WBP4: variants seen among roughly 807,000 people sequenced by gnomAD.
The protein encoded by WBP4 is WW domain-binding protein 4.
WBP4 carries 37 observed loss-of-function variants against 55.4 expected under a neutral mutation model. The observed-to-expected ratio is 0.67, with a 90% confidence interval of 0.51 to 0.88. The LOEUF (loss-of-function observed/expected upper bound fraction) is 0.88. Among genes scored for constraint, WBP4 ranks in the 40% least tolerant of loss-of-function variants. The pLI, the probability that WBP4 is intolerant of heterozygous loss-of-function variation, is 0.00. For synonymous variants in WBP4, 142 were observed against 140.2 expected, an observed-to-expected ratio of 1.01 and a Z score of -0.09; for missense variants, 398 against 420.8, an observed-to-expected ratio of 0.95 and a Z score of 0.47.
Position 41,061,528 on chromosome 13 carries a change from C to G in WBP4, c.-146C>G, listed in dbSNP as rs534868588. The G allele has an allele frequency of 1.3e-5, 17 of 1,302,194 alleles. No homozygotes were observed. Among genetic ancestry groups the G allele is most frequent in the Non-Finnish European group, 1.1e-6 (1 of 925,072 alleles). 80.7% of individuals were successfully genotyped at this position (1,302,194 alleles called of 1,614,324 possible). On this transcript the variant is annotated 5_prime_UTR_variant, in exon 1 of 10. Coordinates refer to ENST00000379487, the MANE Select transcript of WBP4 (RefSeq NM_007187.5). ...GCACCCGTAGTTGGGAACAGCGGAA[C>G]GCTGGTCCCGGGGACTGAGTAAGGT...
intron 1 of WBP4, among the ~76,000 whole-genome samples, 168 bp downstream of exon 1, chr13:41,061,843 G>T (rs947745018): frequency 1.3e-5 from 2 of 152,190 alleles, no homozygotes; most frequent in Admixed American, 6.5e-5. Flanking sequence ...TTCTCAGGGC[G>T]GGGTAGAAAT....
chr13:41,078,115 A>AT (rs1389656325), intron 8 of WBP4, among the ~76,000 whole-genome samples: 2 of 152,206 alleles, frequency 1.3e-5, no homozygotes, highest in Non-Finnish European at 2.9e-5. Context: ...TACCAACTTC[A>AT]TTTTTTACAG....
chr13:41,071,010 C>G (rs546240210), intron 5 of WBP4, among the ~76,000 whole-genome samples: 1 of 152,312 alleles, frequency 6.6e-6, no homozygotes, highest in South Asian at 2.1e-4. Flanking sequence ...TATGTACTAG[C>G]AATTAGAAGT....
Position 41,069,427 on chromosome 13 carries a change from C to T in WBP4, c.439+690C>T, listed in dbSNP as rs1878129866. Among the ~76,000 whole-genome samples the T allele has an allele frequency of 2.0e-5, 3 of 152,094 alleles. No homozygotes were observed. The South Asian group carries it at 6.2e-4, about 32-fold the overall frequency. On this transcript the variant is annotated intron_variant, in intron 5 of 9. Coordinates refer to ENST00000379487, the MANE Select transcript of WBP4 (RefSeq NM_007187.5). ...CCTGTAATCCCAGCACTTTGGGAGG[C>T]TGAGATGGGCAGATCACAAGGTCAG...
Position 41,062,720 on chromosome 13 carries a change from T to C in WBP4, c.75+4T>C. The C allele has an allele frequency of 6.2e-7, 1 of 1,603,212 alleles. No homozygotes were observed. Among genetic ancestry groups the C allele is most frequent in the Non-Finnish European group, 8.5e-7 (1 of 1,174,230 alleles). The stretch of plus-strand genomic sequence containing the variant: ...CTGGATAGCAGACAATAGGCCTGTA[T>C]GATAATTCCGCTGTTAGAGATTCTA... On this transcript the variant is annotated splice_donor_region_variant and intron_variant, in intron 2 of 9. Coordinates refer to ENST00000379487, the MANE Select transcript of WBP4 (RefSeq NM_007187.5).
In WBP4 at chr13:41,062,677, C is replaced by A; in HGVS notation, c.36C>A (p.Phe12Leu). The A allele has an allele frequency of 6.2e-7, 1 of 1,613,790 alleles. No individual in the cohort carries two copies. Among genetic ancestry groups the A allele is most frequent in the Non-Finnish European group, 8.5e-7 (1 of 1,179,780 alleles). ...ACTGGAAGTCACAGCCAAAGAAATT[C>A]TGTGATTACTGCAAGTGCTGGATAG... ...ADYWKSQPKK[F>L]CDYCKCWIAD... Residue 12 changes from phenylalanine to leucine, a missense_variant, in exon 2 of 10, where the codon TTC (phenylalanine) becomes TTA (leucine). Phe to Leu is a conservative substitution (Grantham distance 22, BLOSUM62 0). Coordinates refer to ENST00000379487, the MANE Select transcript of WBP4 (RefSeq NM_007187.5).
chr13:41,075,734 A>G (rs191534996), intron 7 of WBP4, among the ~76,000 whole-genome samples: 2 of 152,178 alleles, frequency 1.3e-5, no homozygotes, highest in African/African-American at 4.8e-5. Flanking sequence ...TTGTTTGCTC[A>G]TTATCAATAC....
rs749252311 is a variant in WBP4, at chr13:41,080,715, A to G, written c.826A>G (p.Asn276Asp). ...TQKEKSIQKQ[N>D]SLGSNEEKSK... ...GAAAGAAAAAAGTATTCAGAAACAG[A>G]ATTCATTAGGTTCAAATGAAGAAAA... The change falls in exon 9 of 10, where the codon AAT (asparagine) becomes GAT (aspartate). Residue 276 changes from asparagine to aspartate, a missense_variant. By Grantham distance (23) the Asn-to-Asp change is conservative. Transcript: ENST00000379487. The G allele has an allele frequency of 6.2e-7, 1 of 1,606,114 alleles. No individual in the cohort carries two copies. Among genetic ancestry groups the G allele is most frequent in the Admixed American group, 1.7e-5 (1 of 57,716 alleles).
chr13:41,061,810 C>G (rs149097782), intron 1 of WBP4, 135 bp downstream of exon 1: 11 of 1,437,238 alleles, frequency 7.7e-6, no homozygotes, highest in African/African-American at 1.4e-5. Flanking sequence ...CGCTCGGGAC[C>G]GGCCCCAGAC....
Position 41,083,065 on chromosome 13 carries a change from T to A in WBP4, c.*151T>A. On this transcript the variant is annotated 3_prime_UTR_variant, in exon 10 of 10. Transcript: ENST00000379487. ...GTGAATTAAAATAAATATTTTTTCA[T>A]GTGAAATTTATTTTGGTTCCTAAAA... The A allele has an allele frequency of 1.2e-6, 1 of 818,970 alleles. No homozygotes were observed. Among genetic ancestry groups the A allele is most frequent in the Non-Finnish European group, 1.8e-6 (1 of 545,984 alleles). 50.7% of individuals were successfully genotyped at this position (818,970 alleles called of 1,614,324 possible). A position where few individuals can be genotyped will look rare whatever the true frequency, so the allele number is the denominator to read the frequency against.
At chr13:41,065,927 A>G (rs1162721824) in intron 4 of WBP4, among the ~76,000 whole-genome samples, 1 of 152,184 alleles carries the variant, frequency 6.6e-6, no homozygotes, top group Non-Finnish European at 1.5e-5. Context: ...TCAGTTGTTG[A>G]TCTTACCTAG....
intron 1 of WBP4, 51 bp downstream of exon 1, chr13:41,061,726 C>G: frequency 6.2e-7 from 1 of 1,611,878 alleles, no homozygotes; most frequent in Admixed American, 1.7e-5. Flanking sequence ...CTCTGGGCCG[C>G]CCTTTCTCGC....
intron 2 of WBP4, among the ~76,000 whole-genome samples, chr13:41,063,474 A>G (rs1566207547): frequency 6.6e-6 from 1 of 151,328 alleles, no homozygotes; most frequent in East Asian, 1.9e-4. Flanking sequence ...TAGGATTTGG[A>G]TTTTTTTTTG....
intron 5 of WBP4, among the ~76,000 whole-genome samples, chr13:41,070,899 A>G (rs1286721402): frequency 6.6e-6 from 1 of 152,182 alleles, no homozygotes; most frequent in Non-Finnish European, 1.5e-5. Context: ...TAGGATCATA[A>G]TTACCTTTGG....
intron 4 of WBP4, among the ~76,000 whole-genome samples, chr13:41,068,321 T>C (rs1203698127): frequency 6.6e-6 from 1 of 152,222 alleles, no homozygotes; most frequent in African/African-American, 2.4e-5. Context: ...TGGCTGTTTT[T>C]TTAACCCATA....
intron 7 of WBP4, among the ~76,000 whole-genome samples, chr13:41,073,998 T>C (rs182762482): frequency 7.3e-5 from 11 of 151,284 alleles, no homozygotes; most frequent in African/African-American, 2.4e-4. Flanking sequence ...TGGCACAATC[T>C]CGGCTCACTG....
intron 8 of WBP4, among the ~76,000 whole-genome samples, chr13:41,079,273 T>G (rs1404248454): frequency 6.6e-6 from 1 of 151,944 alleles, no homozygotes; most frequent in Non-Finnish European, 1.5e-5. Context: ...AGGCTGTAAT[T>G]AAAAAGTCAG....
At chr13:41,077,765 T>C (rs1878567932) in intron 8 of WBP4, among the ~76,000 whole-genome samples, 1 of 152,120 alleles carries the variant, frequency 6.6e-6, no homozygotes, top group Non-Finnish European at 1.5e-5. Flanking sequence ...CACACGTGGA[T>C]TTGATAAGTG....
intron 7 of WBP4, among the ~76,000 whole-genome samples, chr13:41,075,249 T>G (rs1272342313): frequency 6.6e-6 from 1 of 152,184 alleles, no homozygotes; most frequent in African/African-American, 2.4e-5. Context: ...AACCACTGGA[T>G]GGCAGTAGAG....
Sources: allele counts gnomAD v4.1 joint callset (sites outside exome capture counted in the v4.1 genomes callset), GRCh38; gene constraint gnomAD v4.1.1; transcripts MANE v1.5; gene names NCBI Gene and HGNC (gene_info 2026-07-23, HGNC 2026-07-21).